Variants in CDC42 observed in about 807,000 individuals in gnomAD.
The protein encoded by CDC42 is cell division control protein 42 homolog.
In CDC42, 1 loss-of-function variant was observed where a neutral mutation model predicts 20.8. That is an observed-to-expected ratio of 0.05 (90% CI 0.02 to 0.23). The LOEUF is 0.23. Among genes scored for constraint, CDC42 ranks in the 10% least tolerant of loss-of-function variants. The probability of loss-of-function intolerance (pLI) is 1.00; values close to 1 mark genes in which losing one functional copy is unlikely to be tolerated. For missense variants in CDC42, 49 were observed against 227.9 expected (o/e 0.21, Z 5.05); for synonymous variants, 72 against 84.8 (o/e 0.85, Z 0.83).
At position 22,069,613 on chromosome 1, in the gene CDC42, CTTTTTT is replaced by C. The variant is rs56218067; in HGVS notation, c.-50-8795_-50-8790del. Among the ~76,000 whole-genome samples the C allele has an allele frequency of 6.8e-3, 741 of 109,730 alleles. 8 individuals carry two copies. The highest frequency in any genetic ancestry group is 0.023 in the African/African-American group (647 of 28,354). The allele number at this position is 109,730 out of a possible 152,430, so 72.0% of individuals were successfully genotyped here. A position where few individuals can be genotyped will look rare whatever the true frequency, so the allele number is the denominator to read the frequency against. ...TTGGGACTACAGGCACATGCCACCA[CTTTTTT>C]TTTTTTTTTTTTTTTTTTTTAATTT... On this transcript the variant is annotated intron_variant, in intron 1 of 5. Coordinates refer to ENST00000656825, the MANE Select transcript of CDC42 (RefSeq NM_001791.4).
chr1:22,100,648 A>G lies in CDC42; in HGVS notation c.*9131A>G, dbSNP rs1432831624. 1 of 152,204 alleles carries G rather than the reference A, an allele frequency of 6.6e-6. No homozygotes were observed. The highest frequency in any genetic ancestry group is 1.5e-5 in the Non-Finnish European group (1 of 68,052). 9.4% of individuals were successfully genotyped at this position (152,204 alleles called of 1,614,324 possible). On this transcript the variant is annotated 3_prime_UTR_variant, in exon 6 of 6. Coordinates refer to ENST00000656825, the MANE Select transcript of CDC42 (RefSeq NM_001791.4). ...GATAGCAGCTGTCTTCATCACTGTC[A>G]TCATTGTTGGCTCACATCAAATCAG... is the stretch of plus-strand genomic sequence containing the variant.
At position 22,061,528 on chromosome 1, in the gene CDC42, CTTTCTTTTTTTTTTTTTTTTT is replaced by C. The variant is rs1425284188; in HGVS notation, c.-51+8790_-51+8810del. ...GGTCAATCAGTTTAACTTCATGTTT[CTTTCTTTTTTTTTTTTTTTTT>C]TTTTTTTTTTTTGAGATGGAGTCTT... On this transcript the variant is annotated intron_variant, in intron 1 of 5. Transcript: ENST00000656825. 8.9e-4 allele frequency among the ~76,000 whole-genome samples: 77 copies of C among 86,296 alleles called. 3 individuals carry two copies. The South Asian group carries it at 0.03, about 34-fold the overall frequency. 56.6% of individuals were successfully genotyped at this position (86,296 alleles called of 152,430 possible).
chr1:22,076,567 T>C (rs1645552835), intron 1 of CDC42, among the ~76,000 whole-genome samples: 1 of 152,160 alleles, frequency 6.6e-6, no homozygotes, highest in Non-Finnish European at 1.5e-5. Context: ...ATCTGTAAAA[T>C]AGGGATAATA....
At chr1:22,087,180 A>ATT (rs1293234218) in intron 5 of CDC42, among the ~76,000 whole-genome samples, 1 of 147,118 alleles carries the variant, frequency 6.8e-6, no homozygotes, top group African/African-American at 2.5e-5. Flanking sequence ...GATGTGAATG[A>ATT]TTTTTTTTTT....
At chr1:22,067,357 T>C (rs1320198533) in intron 1 of CDC42, among the ~76,000 whole-genome samples, 2 of 152,134 alleles carry the variant, frequency 1.3e-5, no homozygotes, top group Non-Finnish European at 2.9e-5. Context: ...ACGGTCTCAC[T>C]CTGTTTCCCA....
At chr1:22,072,760 G>A (rs1645506168) in intron 1 of CDC42, among the ~76,000 whole-genome samples, 1 of 152,098 alleles carries the variant, frequency 6.6e-6, no homozygotes, top group African/African-American at 2.4e-5. Context: ...AAAAACAAGA[G>A]ACACTCAGCA....
intron 1 of CDC42, among the ~76,000 whole-genome samples, chr1:22,067,191 A>G (rs1645433854): frequency 6.6e-6 from 1 of 152,194 alleles, no homozygotes; most frequent in Non-Finnish European, 1.5e-5. Flanking sequence ...CTTTAACAAT[A>G]CCATAGACTG....
rs552913096 is a variant in CDC42 at position 22,083,439 on chromosome 1, C to G, written c.178+1645C>G. On this transcript the variant is annotated intron_variant, in intron 3 of 5. Transcript: ENST00000656825. ...CCAGTATGGTGAAACCCCATCTCTA[C>G]TAAAAATACAAAAATTAGCCCAGTG... Among the ~76,000 whole-genome samples, 34 of 151,734 alleles carry G rather than the reference C, an allele frequency of 2.2e-4. 1 individual carries two copies. In the East Asian group the frequency reaches 5.9e-3, roughly 26 times the overall value.
At chr1:22,065,029 A>T (rs1166586322) in intron 1 of CDC42, among the ~76,000 whole-genome samples, 1 of 152,210 alleles carries the variant, frequency 6.6e-6, no homozygotes, top group East Asian at 1.9e-4. Flanking sequence ...AAGAGTTCAT[A>T]GTTGAGTGTT....
chr1:22,071,036 T>G (rs549351777), intron 1 of CDC42, among the ~76,000 whole-genome samples: 1 of 100,554 alleles, frequency 9.9e-6, no homozygotes, highest in African/African-American at 4.3e-5. Flanking sequence ...GCATTTCTTT[T>G]TTTTTCTTTC....
chr1:22,062,656 GGAGGATTGCTT>G (rs1007283744), intron 1 of CDC42, among the ~76,000 whole-genome samples: 1 of 146,892 alleles, frequency 6.8e-6, no homozygotes, highest in Admixed American at 7.0e-5. Flanking sequence ...GACCTAGGTG[GGAGGATTGCTT>G]GAGGCCAGCA....
At chr1:22,064,927 G>GGCATTCTGGGATTACAGGCGT (rs1194645881) in intron 1 of CDC42, among the ~76,000 whole-genome samples, 2 of 152,066 alleles carry the variant, frequency 1.3e-5, no homozygotes, top group East Asian at 1.9e-4. Context: ...CACCCACCTC[G>GGCATTCTGGGATTACAGGCGT]GCATTCTGGG....
intron 3 of CDC42, among the ~76,000 whole-genome samples, chr1:22,083,747 C>G (rs1266085001): frequency 3.3e-5 from 5 of 152,160 alleles, no homozygotes; most frequent in Admixed American, 2.6e-4. Context: ...GCACCCTTAT[C>G]AAAAATTATT....
At chr1:22,077,345 A>G (rs1645563247) in intron 1 of CDC42, among the ~76,000 whole-genome samples, 1 of 152,208 alleles carries the variant, frequency 6.6e-6, no homozygotes, top group Non-Finnish European at 1.5e-5. Flanking sequence ...GAGGTAGTAT[A>G]GGTTCATTTA....
chr1:22,075,620 A>G (rs2038101), intron 1 of CDC42, among the ~76,000 whole-genome samples: 144,079 of 152,314 alleles, frequency 0.95, 68,240 homozygotes, highest in East Asian at 1. Context: ...ATTACTTGTT[A>G]AAGACTAATA....
At chr1:22,080,038 G>C (rs1455646914) in intron 2 of CDC42, among the ~76,000 whole-genome samples, 2 of 152,190 alleles carry the variant, frequency 1.3e-5, no homozygotes, top group Admixed American at 1.3e-4. Context: ...ATTTGGTGTA[G>C]AATGCATTTA....
At chr1:22,068,184 C>G (rs951695661) in intron 1 of CDC42, among the ~76,000 whole-genome samples, 1 of 152,204 alleles carries the variant, frequency 6.6e-6, no homozygotes, top group African/African-American at 2.4e-5. Context: ...CATTACACAT[C>G]TGTTTCAAAA....
chr1:22,079,087 C>T (rs1645581103), intron 2 of CDC42, among the ~76,000 whole-genome samples: 1 of 151,282 alleles, frequency 6.6e-6, no homozygotes. Context: ...GTTTCGAGAA[C>T]ACCAACAGAG....
chr1:22,080,307 GAGTCTCTTA>G (rs1197699790), intron 2 of CDC42, among the ~76,000 whole-genome samples: 2 of 152,200 alleles, frequency 1.3e-5, no homozygotes, highest in Non-Finnish European at 2.9e-5. Flanking sequence ...GGTTGTTTTT[GAGTCTCTTA>G]AGTGTGATTT....
Sources: gnomAD v4.1 joint callset for allele counts (sites outside exome capture counted in the v4.1 genomes callset) on GRCh38, gnomAD v4.1.1 for gene constraint, MANE v1.5 for transcripts, NCBI Gene and HGNC (gene_info 2026-07-23, HGNC 2026-07-21) for gene names.